Variants in PDZD2 observed in about 807,000 individuals in gnomAD.
PDZD2 encodes the protein PDZ domain-containing protein 2.
In PDZD2, 90 loss-of-function variants were observed where a neutral mutation model predicts 220.7. That is an observed-to-expected ratio of 0.41 (90% CI 0.34 to 0.49). PDZD2 has a LOEUF of 0.49. Among genes scored for constraint, PDZD2 ranks in the 20% least tolerant of loss-of-function variants. PDZD2 has a pLI of 0.28. For synonymous variants in PDZD2, 1,375 were observed against 1,450.5 expected, an observed-to-expected ratio of 0.95 and a Z score of 1.18; for missense variants, 3,174 against 3,608.5, an observed-to-expected ratio of 0.88 and a Z score of 3.08.
chr5:31,997,185 C>G (rs923924323), intron 4 of PDZD2, among the ~76,000 whole-genome samples: 1 of 152,104 alleles, frequency 6.6e-6, no homozygotes, highest in African/African-American at 2.4e-5. Flanking sequence ...TAGTCCGGAA[C>G]TTGGTGTTCA....
intron 1 of PDZD2, among the ~76,000 whole-genome samples, chr5:31,651,994 A>ATT (rs10676854): frequency 0.2 from 26,064 of 130,286 alleles, 4,296 homozygotes; most frequent in African/African-American, 0.44. Context: ...TAATTTTTGT[A>ATT]TTTTTTTTTT....
intron 3 of PDZD2, among the ~76,000 whole-genome samples, 167 bp downstream of exon 3, chr5:31,983,823 C>A (rs1750501627): frequency 6.6e-6 from 1 of 152,124 alleles, no homozygotes; most frequent in Non-Finnish European, 1.5e-5. Flanking sequence ...CCTAAGATGA[C>A]CTCGCATTGA....
intron 1 of PDZD2, among the ~76,000 whole-genome samples, chr5:31,689,983 C>G (rs959153199): frequency 6.6e-6 from 1 of 152,034 alleles, no homozygotes; most frequent in Non-Finnish European, 1.5e-5. Context: ...TCATCAAAAC[C>G]GCTACTTGGG....
At chr5:31,873,185 G>A (rs1370961326) in intron 2 of PDZD2, among the ~76,000 whole-genome samples, 1 of 152,124 alleles carries the variant, frequency 6.6e-6, no homozygotes, top group Non-Finnish European at 1.5e-5. Flanking sequence ...ACAGATCCTA[G>A]CACTTTGGGA....
intron 1 of PDZD2, among the ~76,000 whole-genome samples, chr5:31,669,401 CAAAAA>C (rs34910299): frequency 0.011 from 1,254 of 109,624 alleles, 15 homozygotes; most frequent in Non-Finnish European, 0.015. Context: ...GACCCTGTCT[CAAAAA>C]AAAAAAAAAA....
At chr5:31,858,112 C>T (rs1229644979) in intron 2 of PDZD2, among the ~76,000 whole-genome samples, 2 of 152,108 alleles carry the variant, frequency 1.3e-5, no homozygotes, top group Non-Finnish European at 2.9e-5. Context: ...AGGTGTGAGC[C>T]ACCGCACCTG....
In PDZD2 at chr5:31,797,955, CTA is replaced by C. The variant is rs145497107; in HGVS notation, c.-360-932_-360-931del. The stretch of plus-strand genomic sequence containing the variant: ...GAAGAGCGTGAAAGGGATCACTTTT[CTA>C]TGTTTATGGAGAATGGAGGTGAAAT... On this transcript the variant is annotated intron_variant, in intron 1 of 24. Coordinates refer to ENST00000438447, the MANE Select transcript of PDZD2 (RefSeq NM_178140.4). Among the ~76,000 whole-genome samples the C allele has an allele frequency of 7.6e-3, 1,156 of 152,206 alleles. 7 individuals carry two copies. Among genetic ancestry groups the C allele is most frequent in the African/African-American group, 0.027 (1,116 of 41,536 alleles).
chr5:31,643,631 C>A (rs1309660647), intron 1 of PDZD2, among the ~76,000 whole-genome samples: 4 of 152,116 alleles, frequency 2.6e-5, no homozygotes, highest in African/African-American at 9.7e-5. Flanking sequence ...GTGGTGTTGG[C>A]CAAGATGCAG....
At chr5:31,813,161 G>A (rs185927685) in intron 2 of PDZD2, among the ~76,000 whole-genome samples, 2 of 152,262 alleles carry the variant, frequency 1.3e-5, no homozygotes, top group East Asian at 1.9e-4. Flanking sequence ...TAAAATCTAA[G>A]TATTCACGGC....
intron 2 of PDZD2, among the ~76,000 whole-genome samples, chr5:31,946,183 A>T (rs1242665486): frequency 6.6e-6 from 1 of 152,148 alleles, no homozygotes; most frequent in Non-Finnish European, 1.5e-5. Context: ...TTGCATTTTT[A>T]GTAGAGATGG....
intron 2 of PDZD2, among the ~76,000 whole-genome samples, chr5:31,875,584 CAAA>C (rs1217406870): frequency 3.7e-5 from 4 of 108,016 alleles, no homozygotes; most frequent in African/African-American, 6.3e-5. Context: ...AGACCCTGTT[CAAA>C]AAAAAAAAAA....
chr5:31,976,714 C>CTTTTTTTTTTTTTTTTT (rs869280921), intron 2 of PDZD2, among the ~76,000 whole-genome samples: 1 of 99,718 alleles, frequency 1.0e-5, no homozygotes, highest in Non-Finnish European at 1.9e-5. Context: ...TTTCTTCTTT[C>CTTTTTTTTTTTTTTTTT]TTTTTTTTTT....
intron 1 of PDZD2, among the ~76,000 whole-genome samples, chr5:31,739,808 G>A (rs1750140439): frequency 6.6e-6 from 1 of 152,182 alleles, no homozygotes; most frequent in Non-Finnish European, 1.5e-5. Flanking sequence ...CTGTAGGGTG[G>A]ATGCCTAATG....
intron 2 of PDZD2, chr5:31,843,988 T>C (rs774764800): frequency 2.0e-5 from 3 of 152,220 alleles, no homozygotes; most frequent in African/African-American, 4.8e-5. Flanking sequence ...GAACTGAGGC[T>C]GGAGTCCTAA....
At chr5:31,895,078 C>T (rs1466083380) in intron 2 of PDZD2, among the ~76,000 whole-genome samples, 3 of 152,206 alleles carry the variant, frequency 2.0e-5, no homozygotes, top group East Asian at 3.9e-4. Flanking sequence ...TTAGTAGAGA[C>T]GGGATTTCAC....
At chr5:31,935,289 T>C (rs1002902987) in intron 2 of PDZD2, among the ~76,000 whole-genome samples, 12 of 152,184 alleles carry the variant, frequency 7.9e-5, no homozygotes, top group African/African-American at 2.9e-4. Flanking sequence ...GGCTGTTGGA[T>C]CATGAAAGAC....
Position 32,014,706 on chromosome 5 carries a change from C to CTTTTTTTTTTTTTTTTTTTTTTTTTTTTT in PDZD2, c.1407+4252_1407+4253insTTTTTTTTTTTTTTTTTTTTTTTTTTTTT, listed in dbSNP as rs556276502. Among the ~76,000 whole-genome samples, 10 of 95,416 alleles carry CTTTTTTTTTTTTTTTTTTTTTTTTTTTTT rather than the reference C, an allele frequency of 1.0e-4. 1 individual carries two copies. The highest frequency in any genetic ancestry group is 4.4e-4 in the African/African-American group (10 of 22,880). 62.6% of individuals were successfully genotyped at this position (95,416 alleles called of 152,430 possible). Reference sequence around the variant, plus strand: ...ATTTTCTGCTCTGCAATGACAATTTCTTTTTTTTTTTTTTTTTTTTTTTTT... The same window carrying CTTTTTTTTTTTTTTTTTTTTTTTTTTTTT: ...ATTTTCTGCTCTGCAATGACAATTTCTTTTTTTTTTTTTTTTTTTTTTTTTTTTTTTTTTTTTTTTTTTTTTTTTTTTTT... On this transcript the variant is annotated intron_variant, in intron 6 of 24. Transcript: ENST00000438447.
At chr5:31,857,035 G>A (rs1344913178) in intron 2 of PDZD2, among the ~76,000 whole-genome samples, 1 of 151,798 alleles carries the variant, frequency 6.6e-6, no homozygotes, top group Non-Finnish European at 1.5e-5. Flanking sequence ...TTTTCTAGAG[G>A]CGTGGTCTTG....
intron 2 of PDZD2, among the ~76,000 whole-genome samples, chr5:31,896,723 G>A (rs753370530): frequency 6.6e-6 from 1 of 152,254 alleles, no homozygotes. Context: ...TTCACCAGAG[G>A]CCAAGGTGGG....
Sources: allele counts gnomAD v4.1 joint callset (sites outside exome capture counted in the v4.1 genomes callset), GRCh38; gene constraint gnomAD v4.1.1; transcripts MANE v1.5; gene names NCBI Gene and HGNC (gene_info 2026-07-23, HGNC 2026-07-21).